Variants in MDGA2 observed in about 807,000 individuals in gnomAD.
MDGA2 encodes MAM domain containing glycosylphosphatidylinositol anchor 2.
Under a neutral mutation model 117.8 loss-of-function variants are expected in MDGA2, and 40 were observed. The ratio of observed to expected loss-of-function variants is 0.34; its 90% confidence interval spans 0.26 to 0.44. The LOEUF is 0.44. Among genes scored for constraint, MDGA2 ranks in the 20% least tolerant of loss-of-function variants. The pLI is 1.00. For synonymous variants in MDGA2, 452 were observed against 439.0 expected (o/e 1.03, Z -0.37); for missense variants, 1,123 against 1,250.6 (o/e 0.90, Z 1.54).
intron 2 of MDGA2, among the ~76,000 whole-genome samples, chr14:47,253,926 C>A (rs917394437): frequency 1.3e-5 from 2 of 152,262 alleles, no homozygotes; most frequent in African/African-American, 4.8e-5. Flanking sequence ...TGTATACTCA[C>A]AGGTTAAACA....
Position 47,311,002 on chromosome 14 carries a change from G to A in MDGA2, c.281-9452C>T, listed in dbSNP as rs17740242. Among the ~76,000 whole-genome samples the A allele has an allele frequency of 9.9e-5, 15 of 152,014 alleles. No individual in the cohort carries two copies. The East Asian group carries it at 2.5e-3, about 26-fold the overall frequency. On this transcript the variant is annotated intron_variant, in intron 1 of 16. Transcript: ENST00000399232. Reference sequence around the variant, plus strand: ...GTGTCAGAAGCCATATATCATGTGGGCAATGAACTCTTCAAGGTTCTTTGA... The same window carrying A: ...GTGTCAGAAGCCATATATCATGTGGACAATGAACTCTTCAAGGTTCTTTGA...
chr14:46,840,945 C>T lies in MDGA2; in HGVS notation c.*986G>A, dbSNP rs1880584594. The stretch of plus-strand genomic sequence containing the variant: ...ACAACAAATATCTTGTCTGCATGGG[C>T]TTACGCAGCAGCTTCGGTCCTTTCT... On this transcript the variant is annotated 3_prime_UTR_variant, in exon 17 of 17. Coordinates refer to ENST00000399232, the MANE Select transcript of MDGA2 (RefSeq NM_001113498.3). The T allele has an allele frequency of 6.6e-6, 1 of 152,584 alleles. No individual in the cohort carries two copies. The highest frequency in any genetic ancestry group is 2.1e-4 in the South Asian group (1 of 4,832). 9.5% of individuals were successfully genotyped at this position (152,584 alleles called of 1,614,324 possible).
intron 6 of MDGA2, among the ~76,000 whole-genome samples, chr14:47,062,253 G>A (rs756670883): frequency 1.0e-3 from 155 of 151,984 alleles, no homozygotes; most frequent in African/African-American, 3.5e-3. Flanking sequence ...TCTCTAATGC[G>A]GATGACCAAA....
intron 6 of MDGA2, among the ~76,000 whole-genome samples, chr14:47,089,084 T>C (rs952811827): frequency 1.3e-5 from 2 of 152,128 alleles, no homozygotes; most frequent in African/African-American, 4.8e-5. Context: ...CTGAGTATTG[T>C]TGAGATTTTT....
At chr14:47,479,310 A>G (rs571090937) in intron 1 of MDGA2, among the ~76,000 whole-genome samples, 16 of 152,258 alleles carry the variant, frequency 1.1e-4, no homozygotes, top group African/African-American at 3.6e-4. Context: ...CATAAACCCA[A>G]AGGTGCAAAG....
At chr14:47,431,302 T>C (rs1289502773) in intron 1 of MDGA2, among the ~76,000 whole-genome samples, 1 of 151,886 alleles carries the variant, frequency 6.6e-6, no homozygotes, top group Non-Finnish European at 1.5e-5. Flanking sequence ...ATCATCAGTT[T>C]AGGGAGGGGA....
intron 4 of MDGA2, among the ~76,000 whole-genome samples, chr14:47,142,547 A>T (rs1290488454): frequency 6.6e-6 from 1 of 152,242 alleles, no homozygotes; most frequent in Non-Finnish European, 1.5e-5. Flanking sequence ...ATCATGTTTT[A>T]CAAGATTCTA....
chr14:47,569,064 A>G (rs1433425359), intron 1 of MDGA2, among the ~76,000 whole-genome samples: 3 of 152,046 alleles, frequency 2.0e-5, no homozygotes. Flanking sequence ...AATAAATAAT[A>G]TATCTAACCT....
chr14:46,993,486 G>A (rs191892364), intron 8 of MDGA2, among the ~76,000 whole-genome samples: 1 of 150,750 alleles, frequency 6.6e-6, no homozygotes, highest in East Asian at 2.0e-4. Context: ...TTCTGACACA[G>A]AGTGTTGCTC....
intron 1 of MDGA2, among the ~76,000 whole-genome samples, chr14:47,336,585 G>T (rs1469493925): frequency 2.6e-5 from 4 of 151,876 alleles, no homozygotes; most frequent in Non-Finnish European, 5.9e-5. Flanking sequence ...TTAAATTAAA[G>T]TACCCACTTT....
chr14:47,599,664 A>G (rs1896611199), intron 1 of MDGA2, among the ~76,000 whole-genome samples: 1 of 152,134 alleles, frequency 6.6e-6, no homozygotes, highest in South Asian at 2.1e-4. Flanking sequence ...ACTGGAATAG[A>G]TTTTTAAAAA....
chr14:47,291,922 T>C (rs1421391209), intron 2 of MDGA2, among the ~76,000 whole-genome samples: 1 of 152,222 alleles, frequency 6.6e-6, no homozygotes, highest in Non-Finnish European at 1.5e-5. Flanking sequence ...GGCAGATATG[T>C]ACATGTGGAT....
chr14:47,414,385 T>C (rs1892433844), intron 1 of MDGA2, among the ~76,000 whole-genome samples: 1 of 152,172 alleles, frequency 6.6e-6, no homozygotes, highest in South Asian at 2.1e-4. Context: ...CAACTAGTTA[T>C]GAAAAATAAA....
chr14:47,363,653 G>A (rs949937282), intron 1 of MDGA2, among the ~76,000 whole-genome samples: 3 of 152,094 alleles, frequency 2.0e-5, no homozygotes, highest in Non-Finnish European at 2.9e-5. Context: ...ATGGTAAATG[G>A]ATTGGTAATC....
intron 3 of MDGA2, among the ~76,000 whole-genome samples, chr14:47,194,216 A>G (rs1332006635): frequency 1.1e-4 from 16 of 152,174 alleles, no homozygotes; most frequent in Non-Finnish European, 4.4e-5. Flanking sequence ...TGATTTAATT[A>G]AATAATAACA....
chr14:47,474,445 T>A (rs1893793501), intron 1 of MDGA2, among the ~76,000 whole-genome samples: 1 of 152,008 alleles, frequency 6.6e-6, no homozygotes, highest in African/African-American at 2.4e-5. Flanking sequence ...CCCATTAAAC[T>A]ACCACTGACA....
intron 1 of MDGA2, among the ~76,000 whole-genome samples, chr14:47,546,745 G>A (rs1273209207): frequency 1.3e-5 from 2 of 152,150 alleles, no homozygotes; most frequent in Admixed American, 6.6e-5. Flanking sequence ...GGGGCTGAGT[G>A]TCTGGGATTT....
intron 8 of MDGA2, among the ~76,000 whole-genome samples, chr14:47,024,161 CT>C (rs1201348752): frequency 6.6e-6 from 1 of 152,110 alleles, no homozygotes; most frequent in African/African-American, 2.4e-5. Flanking sequence ...CTCTAAATAT[CT>C]GCATCATCTG....
rs572584671 is a variant in MDGA2, at chr14:47,624,300, A to G, written c.280+50217T>C. On this transcript the variant is annotated intron_variant, in intron 1 of 16. Coordinates refer to ENST00000399232, the MANE Select transcript of MDGA2 (RefSeq NM_001113498.3). The stretch of plus-strand genomic sequence containing the variant: ...CAGTGAAATCCCGTCTCTACTCAAA[A>G]CACAAAAATTAGCCAGGCATGGTGG... Among the ~76,000 whole-genome samples the G allele has an allele frequency of 1.4e-3, 209 of 152,190 alleles. 1 individual carries two copies. Among genetic ancestry groups the G allele is most frequent in the African/African-American group, 4.9e-3 (204 of 41,516 alleles).
Sources: allele counts gnomAD v4.1 joint callset (sites outside exome capture counted in the v4.1 genomes callset), GRCh38; gene constraint gnomAD v4.1.1; transcripts MANE v1.5; gene names NCBI Gene and HGNC (gene_info 2026-07-23, HGNC 2026-07-21).